Variants in CACNA1C observed in about 807,000 individuals in gnomAD.
The protein encoded by CACNA1C is calcium voltage-gated channel subunit alpha1 C.
A neutral mutation model predicts 229.0 loss-of-function variants in CACNA1C; 30 were observed. The observed-to-expected ratio is 0.13, with a 90% CI of 0.10 to 0.18. The LOEUF (loss-of-function observed/expected upper bound fraction) is 0.18. Ranked by LOEUF, CACNA1C falls within the 10% of genes least tolerant of loss-of-function variation. CACNA1C has a pLI of 1.00. For synonymous variants in CACNA1C, 1,114 were observed against 1,132.5 expected, an observed-to-expected ratio of 0.98 and a Z score of 0.33; for missense variants, 1,658 against 2,845.0, an observed-to-expected ratio of 0.58 and a Z score of 9.49.
At chr12:2,577,870 CTTT>C (rs34284324) in intron 13 of CACNA1C, among the ~76,000 whole-genome samples, 18 of 138,086 alleles carry the variant, frequency 1.3e-4, no homozygotes, top group Non-Finnish European at 9.5e-5. Flanking sequence ...AGTAATTATT[CTTT>C]TTTTTTTTTT....
chr12:2,043,489 A>C (rs2429150), intron 1 of CACNA1C, among the ~76,000 whole-genome samples: 81,521 of 151,904 alleles, frequency 0.54, 24,140 homozygotes, highest in African/African-American at 0.78. Flanking sequence ...AGAAGAATTG[A>C]AACAGGTCTT....
At chr12:2,216,099 C>A (rs2059907337) in intron 3 of CACNA1C, among the ~76,000 whole-genome samples, 2 of 151,328 alleles carry the variant, frequency 1.3e-5, no homozygotes, top group Admixed American at 6.5e-5. Context: ...GCAAAACCAC[C>A]AGAGGTCCCT....
At chr12:2,228,174 C>T (rs768421749) in intron 3 of CACNA1C, among the ~76,000 whole-genome samples, 3 of 152,108 alleles carry the variant, frequency 2.0e-5, no homozygotes, top group Non-Finnish European at 4.4e-5. Flanking sequence ...TGTTTGGCCC[C>T]GAGATGTTTT....
intron 5 of CACNA1C, among the ~76,000 whole-genome samples, chr12:2,472,386 C>T (rs1343136649): frequency 2.0e-5 from 3 of 152,050 alleles, no homozygotes; most frequent in East Asian, 1.9e-4. Flanking sequence ...CCTCTAATGT[C>T]TCCATCTTCA....
chr12:2,542,060 G>A (rs1030309203), intron 9 of CACNA1C, among the ~76,000 whole-genome samples: 5 of 152,184 alleles, frequency 3.3e-5, no homozygotes, highest in African/African-American at 7.2e-5. Context: ...GGAAGGAAAC[G>A]AGAGTACAGC....
intron 3 of CACNA1C, among the ~76,000 whole-genome samples, chr12:2,258,003 T>G (rs2078652808): frequency 6.6e-6 from 1 of 152,210 alleles, no homozygotes; most frequent in South Asian, 2.1e-4. Context: ...GCACTCCCAC[T>G]CTGCAGTAGG....
intron 9 of CACNA1C, among the ~76,000 whole-genome samples, chr12:2,517,493 T>G (rs1468081350): frequency 6.6e-6 from 1 of 152,240 alleles, no homozygotes; most frequent in Non-Finnish European, 1.5e-5. Flanking sequence ...AAGAGCCATT[T>G]CAGAGCCAAA....
chr12:2,241,892 C>T (rs2070519642), intron 3 of CACNA1C, among the ~76,000 whole-genome samples: 2 of 152,340 alleles, frequency 1.3e-5, no homozygotes, highest in Middle Eastern at 3.4e-3. Context: ...GTTCGCAAGG[C>T]GTTTCTCCTG....
At position 2,191,836 on chromosome 12, in the gene CACNA1C, GCA is replaced by G. The variant is rs1381941799; in HGVS notation, c.477+71413_477+71414del. 3.9e-3 allele frequency among the ~76,000 whole-genome samples: 231 copies of G among 59,462 alleles called. 1 individual carries two copies. Among genetic ancestry groups the G allele is most frequent in the African/African-American group, 0.01 (223 of 21,420 alleles). 39.0% of individuals were successfully genotyped at this position (59,462 alleles called of 152,430 possible). On this transcript the variant is annotated intron_variant, in intron 3 of 46. Transcript: ENST00000399655. ...CACGTATGCACACACACATACACAGGCACACACATGCACTCACACATGTACTC... is the reference window on the plus strand; with the variant it reads ...CACGTATGCACACACACATACACAGGCACACATGCACTCACACATGTACTC...
chr12:2,457,802 T>C (rs2154564950), intron 5 of CACNA1C, 96 bp downstream of exon 5: 3 of 1,128,688 alleles, frequency 2.7e-6, no homozygotes, highest in Non-Finnish European at 3.5e-6. Context: ...AGGGACCTGA[T>C]TCCATATAAA....
At position 2,605,662 on chromosome 12, in the gene CACNA1C, G is replaced by A. The variant is rs113931664; in HGVS notation, c.3049-17G>A. On this transcript the variant is annotated splice_polypyrimidine_tract_variant and intron_variant, in intron 23 of 46. Transcript: ENST00000399655. The surrounding 1 kb of genome is among the most constrained non-coding windows in gnomAD (Gnocchi z 6.2). ...CTCCTGAAGCCACGTCCCTCTCCCC[G>A]TCCCTTCCCACTGCAGCATGTGGTT... is the stretch of plus-strand genomic sequence containing the variant. 1.0e-5 allele frequency: 16 copies of A among 1,598,576 alleles called. No homozygotes were observed. The highest frequency in any genetic ancestry group is 3.3e-5 in the Admixed American group (2 of 59,962).
intron 1 of CACNA1C, among the ~76,000 whole-genome samples, chr12:1,993,956 C>T (rs1434908854): frequency 2.6e-5 from 4 of 152,158 alleles, no homozygotes; most frequent in African/African-American, 4.8e-5. Context: ...GTTTACATAA[C>T]AGTGCAAAGG....
intron 1 of CACNA1C, among the ~76,000 whole-genome samples, chr12:2,104,682 A>C (rs553925979): frequency 6.6e-6 from 1 of 152,308 alleles, no homozygotes. Flanking sequence ...GTTTTTGCCC[A>C]TTCCGTAATC....
At chr12:2,670,206 T>A (rs1174976679) in intron 38 of CACNA1C, among the ~76,000 whole-genome samples, 1 of 152,126 alleles carries the variant, frequency 6.6e-6, no homozygotes, top group Admixed American at 6.6e-5. Context: ...AAAACACAGA[T>A]GAGACAAGCA....
rs761790520 is a variant in CACNA1C at position 2,053,560 on chromosome 12, T to C, written c.-3T>C. The C allele has an allele frequency of 3.7e-5, 59 of 1,593,740 alleles. 2 individuals carry two copies. The Middle Eastern group carries it at 8.3e-4, about 22-fold the overall frequency. On this transcript the variant is annotated 5_prime_UTR_variant, in exon 1 of 47. Transcript: ENST00000399655. This position sits in a 1 kb window ranked among gnomAD's most constrained non-coding sequence, Gnocchi z 5.8. The stretch of plus-strand genomic sequence containing the variant: ...CTCCTCCTATTAAAACCATTTTTGG[T>C]CCATGGTCAATGAGAATACGAGGAT...
chr12:2,567,582 G>A lies in CACNA1C; in HGVS notation c.1683G>A (p.Lys561=), dbSNP rs1203726409. 3.1e-6 allele frequency: 5 copies of A among 1,588,396 alleles called. No individual in the cohort carries two copies. The highest frequency in any genetic ancestry group is 2.3e-5 in the East Asian group (1 of 43,756). ...TGGGCCTGCCAGACACGGCAAACAA[G>A]GCCCTGCTGGCCCTGTTCACGGCAG... The part of the protein sequence containing the change: ...WLTEVQDTAN[K]ALLALFTAEM... The change falls in exon 13 of 47, where the codon AAG becomes AAA. Residue 561 remains lysine (K), a synonymous_variant. Coordinates refer to ENST00000399655, the MANE Select transcript of CACNA1C (RefSeq NM_000719.7).
chr12:2,092,822 A>G (rs892784372), intron 1 of CACNA1C, among the ~76,000 whole-genome samples: 4 of 152,260 alleles, frequency 2.6e-5, no homozygotes, highest in Non-Finnish European at 4.4e-5. Flanking sequence ...CACATGGTCA[A>G]CAAGTGGAGA....
intron 3 of CACNA1C, among the ~76,000 whole-genome samples, chr12:2,447,534 C>T (rs2099310589): frequency 6.6e-6 from 1 of 151,102 alleles, no homozygotes; most frequent in Non-Finnish European, 1.5e-5. Flanking sequence ...GGGTAGGGCC[C>T]AGAATTCTAC....
In CACNA1C at chr12:2,581,446, C is replaced by T. The variant is rs570816981; in HGVS notation, c.1896-144C>T. 29 of 692,352 alleles carry T rather than the reference C, an allele frequency of 4.2e-5. No individual in the cohort carries two copies. The African/African-American group carries it at 5.2e-4, about 12-fold the overall frequency. 42.9% of individuals were successfully genotyped at this position (692,352 alleles called of 1,614,324 possible). On this transcript the variant is annotated intron_variant, in intron 13 of 46. Coordinates refer to ENST00000399655, the MANE Select transcript of CACNA1C (RefSeq NM_000719.7). ...TCCAGGGTGGCAACTCACACCACCA[C>T]CAACACGCATCCCCCACGGGCAGGG...
Sources: allele counts gnomAD v4.1 joint callset (sites outside exome capture counted in the v4.1 genomes callset), GRCh38; gene constraint gnomAD v4.1.1; non-coding constraint Gnocchi (gnomAD v3.1); transcripts MANE v1.5; gene names NCBI Gene and HGNC (gene_info 2026-07-23, HGNC 2026-07-21).